CDC42BPB: variants seen among roughly 807,000 people sequenced by gnomAD.
CDC42BPB encodes the protein CDC42 binding protein kinase beta, also known as serine/threonine-protein kinase MRCK beta.
In CDC42BPB, 37 loss-of-function variants were observed where a neutral mutation model predicts 214.9. That is an observed-to-expected ratio of 0.17 (90% CI 0.13 to 0.23). The LOEUF is 0.23. CDC42BPB is among the 10% of genes least tolerant of loss of function. CDC42BPB has a pLI of 1.00. For missense variants in CDC42BPB, 1,694 were observed against 2,227.0 expected (o/e 0.76, Z 4.82); for synonymous variants, 931 against 884.0 (o/e 1.05, Z -0.94).
At chr14:102,954,714 G>A (rs1170908689) in intron 21 of CDC42BPB, 26 bp from the exon 22 acceptor site, 1 of 1,602,056 alleles carries the variant, frequency 6.2e-7, no homozygotes, top group Non-Finnish European at 8.5e-7. Context: ...AAGAAAGAGT[G>A]GGGTGAAAGG....
At position 102,934,942 on chromosome 14, in the gene CDC42BPB, G is replaced by A. The variant is rs188150166; in HGVS notation, c.5005-1099C>T. Among the ~76,000 whole-genome samples the A allele has an allele frequency of 3.1e-3, 470 of 151,472 alleles. 2 individuals are homozygous for A. Among genetic ancestry groups the A allele is most frequent in the Non-Finnish European group, 4.7e-3 (320 of 67,862 alleles). On this transcript the variant is annotated intron_variant, in intron 36 of 36. Transcript: ENST00000361246. ...GGAGAATGGCGTGAACCCAGGAGGC[G>A]GAGCTTGCAGTGAGCCGAGATCGCA...
intron 24 of CDC42BPB, among the ~76,000 whole-genome samples, chr14:102,951,768 CAG>C (rs1012504006): frequency 3.1e-4 from 47 of 151,958 alleles, no homozygotes; most frequent in African/African-American, 9.9e-4. Context: ...GCCTGGGCAA[CAG>C]AGTCAAACTC....
At chr14:102,945,501 G>A (rs34118749) in intron 29 of CDC42BPB, among the ~76,000 whole-genome samples, 161 bp downstream of exon 29, 3 of 152,386 alleles carry the variant, frequency 2.0e-5, no homozygotes, top group East Asian at 1.9e-4. Flanking sequence ...TTAGCACCGC[G>A]TCGCCATGCA....
chr14:103,021,249 A>G (rs2139672468), intron 1 of CDC42BPB, among the ~76,000 whole-genome samples: 1 of 152,324 alleles, frequency 6.6e-6, no homozygotes. Context: ...TCACGAGGTC[A>G]GGAGATCGAG....
At chr14:103,048,887 A>G (rs974074864) in intron 1 of CDC42BPB, among the ~76,000 whole-genome samples, 1 of 151,982 alleles carries the variant, frequency 6.6e-6, no homozygotes, top group African/African-American at 2.4e-5. Flanking sequence ...AAAAAAAAAA[A>G]TTTACTCCAT....
At chr14:103,027,868 G>A (rs910319742) in intron 1 of CDC42BPB, among the ~76,000 whole-genome samples, 9 of 151,836 alleles carry the variant, frequency 5.9e-5, no homozygotes, top group African/African-American at 1.7e-4. Flanking sequence ...GGTGGATCAC[G>A]CCTGTAATCC....
At chr14:103,042,673 C>T (rs796873849) in intron 1 of CDC42BPB, among the ~76,000 whole-genome samples, 11 of 152,210 alleles carry the variant, frequency 7.2e-5, no homozygotes, top group African/African-American at 2.6e-4. Context: ...AGAAGATATA[C>T]AAATGTCTAA....
intron 24 of CDC42BPB, chr14:102,950,856 C>G (rs1892457835): frequency 5.4e-6 from 1 of 185,408 alleles, no homozygotes; most frequent in African/African-American, 2.4e-5. Flanking sequence ...ATCCCAGCTA[C>G]TCGGGAGGCT....
At position 102,933,707 on chromosome 14, in the gene CDC42BPB, C is replaced by T. The variant is rs767539948; in HGVS notation, c.*5G>A. Reference sequence around the variant, plus strand: ...CTCCCTGGCCCCTGTGGCGAGCTGGCGGCTTCAGGTGTCACAGGCCGGCTG... The same window carrying T: ...CTCCCTGGCCCCTGTGGCGAGCTGGTGGCTTCAGGTGTCACAGGCCGGCTG... On this transcript the variant is annotated 3_prime_UTR_variant, in exon 37 of 37. Transcript: ENST00000361246. 15 of 1,458,304 alleles carry T rather than the reference C, an allele frequency of 1.0e-5. No individual in the cohort carries two copies. The highest frequency in any genetic ancestry group is 4.5e-5 in the South Asian group (3 of 67,214). 90.3% of individuals were successfully genotyped at this position (1,458,304 alleles called of 1,614,324 possible).
At position 102,939,639 on chromosome 14, in the gene CDC42BPB, C is replaced by T. The variant is rs1323922137; in HGVS notation, c.4798G>A (p.Gly1600Ser). ...GGCAGGTCCATGAGCACCTGCATGC[C>T]GTCGCCTGGGCCCATGTGGGCCACG... ...NHVAHMGPGD[G>S]MQVLMDLPLS... The change falls in exon 34 of 37, where the codon GGC becomes AGC. Residue 1600 changes from glycine (G) to serine (S), a missense_variant. By Grantham distance (56) the Gly-to-Ser change is moderately conservative. Transcript: ENST00000361246. 14 of 1,613,956 alleles carry T rather than the reference C, an allele frequency of 8.7e-6. No individual in the cohort carries two copies. The Admixed American group carries it at 1.3e-4, about 15-fold the overall frequency.
At chr14:102,957,254 G>A (rs932643024) in intron 21 of CDC42BPB, among the ~76,000 whole-genome samples, 9 of 151,110 alleles carry the variant, frequency 6.0e-5, no homozygotes, top group Admixed American at 1.3e-4. Flanking sequence ...AAGGGCAGGC[G>A]TGCTGGCTGT....
chr14:102,994,925 T>A (rs1462155223), intron 5 of CDC42BPB, among the ~76,000 whole-genome samples: 1 of 152,200 alleles, frequency 6.6e-6, no homozygotes, highest in African/African-American at 2.4e-5. Flanking sequence ...GTCCACCACC[T>A]GGGGTGTGGC....
At position 102,966,320 on chromosome 14, in the gene CDC42BPB, C is replaced by G; in HGVS notation, c.2539G>C (p.Glu847Gln). ...ALASKMTEELEALRSSSLGSR... is the reference protein window; with the variant it reads ...ALASKMTEELQALRSSSLGSR... ...CCCAGACTAGAACTCCTCAAAGCCT[C>G]GAGCTCTTCGGTCATCTTGGAAGCA... The change falls in exon 18 of 37, where the codon GAG (glutamate) becomes CAG (glutamine). Residue 847 changes from glutamate (E) to glutamine (Q), a missense_variant. Transcript: ENST00000361246. 6.2e-7 allele frequency: 1 copy of G among 1,614,108 alleles called. No homozygotes were observed. Among genetic ancestry groups the G allele is most frequent in the Non-Finnish European group, 8.5e-7 (1 of 1,179,956 alleles).
In CDC42BPB at chr14:102,933,939, G is replaced by A. The variant is rs546208956; in HGVS notation, c.5005-96C>T. 5 of 1,442,278 alleles carry A rather than the reference G, an allele frequency of 3.5e-6. No individual in the cohort carries two copies. In the South Asian group the frequency reaches 6.0e-5, roughly 17 times the overall value. The allele number at this position is 1,442,278 out of a possible 1,614,324, so 89.3% of individuals were successfully genotyped here. A position where few individuals can be genotyped will look rare whatever the true frequency, so the allele number is the denominator to read the frequency against. On this transcript the variant is annotated intron_variant, in intron 36 of 36. Transcript: ENST00000361246. ...TGCAAATGTTTGCTCAGGGACAACT[G>A]TCGCAACTGCTCTTCTCCCTTCATG...
rs34196575 is a variant in CDC42BPB, at chr14:102,954,071, G to A, written c.3066+127C>T. 629 of 702,236 alleles carry A rather than the reference G, an allele frequency of 9.0e-4. 3 individuals carry two copies. In the East Asian group the frequency reaches 0.014, roughly 15 times the overall value. The allele number at this position is 702,236 out of a possible 1,614,324, so 43.5% of individuals were successfully genotyped here. A position where few individuals can be genotyped will look rare whatever the true frequency, so the allele number is the denominator to read the frequency against. ...AACTTTCCTACAGAACATGAGGGTCGCTACTGTGTGTATGCAAAAATGACT... is the reference window on the plus strand; with the variant it reads ...AACTTTCCTACAGAACATGAGGGTCACTACTGTGTGTATGCAAAAATGACT... On this transcript the variant is annotated intron_variant, in intron 23 of 36. Transcript: ENST00000361246.
rs1237688006 is a variant in CDC42BPB, at chr14:102,976,051, TG to T, written c.1221-3del. The T allele has an allele frequency of 8.1e-6, 13 of 1,607,592 alleles. No individual in the cohort carries two copies. Among genetic ancestry groups the T allele is most frequent in the Middle Eastern group, 1.6e-4 (1 of 6,068 alleles). On this transcript the variant is annotated splice_region_variant and splice_polypyrimidine_tract_variant and intron_variant, in intron 9 of 36. Transcript: ENST00000361246. ...AGAGAGCCTCGATCAGAAAAACAGC[TG>T]GGAAACCAAGCAACAGGTTTTTTTG...
intron 1 of CDC42BPB, among the ~76,000 whole-genome samples, chr14:103,051,924 C>T (rs1301985823): frequency 6.6e-6 from 1 of 152,138 alleles, no homozygotes; most frequent in East Asian, 1.9e-4. Flanking sequence ...CAGCTCACCG[C>T]AACCTCTGCC....
At chr14:103,015,338 T>G (rs907335821) in intron 1 of CDC42BPB, among the ~76,000 whole-genome samples, 1 of 152,102 alleles carries the variant, frequency 6.6e-6, no homozygotes, top group African/African-American at 2.4e-5. Flanking sequence ...TAAAAATAAT[T>G]AGGCTGGGCA....
chr14:102,936,537 C>T (rs1456670723), intron 36 of CDC42BPB, among the ~76,000 whole-genome samples: 2 of 152,162 alleles, frequency 1.3e-5, no homozygotes, highest in Non-Finnish European at 2.9e-5. Flanking sequence ...CATTCCATTT[C>T]CACGAAATGT....
Sources: allele counts gnomAD v4.1 joint callset (sites outside exome capture counted in the v4.1 genomes callset), GRCh38; gene constraint gnomAD v4.1.1; transcripts MANE v1.5; gene names NCBI Gene and HGNC (gene_info 2026-07-23, HGNC 2026-07-21).